The following CCDC91 variants were observed in gnomAD, a reference collection of about 807,000 sequenced individuals.
The protein encoded by CCDC91 is coiled-coil domain-containing protein 91.
CCDC91 carries 48 observed loss-of-function variants against 63.2 expected under a neutral mutation model. The ratio of observed to expected loss-of-function variants is 0.76; its 90% confidence interval spans 0.60 to 0.97. The LOEUF (loss-of-function observed/expected upper bound fraction) is 0.97. Ranked by LOEUF, CCDC91 falls within the 50% of genes least tolerant of loss-of-function variation. CCDC91 has a pLI of 0.00. For synonymous variants in CCDC91, 167 were observed against 165.8 expected, an observed-to-expected ratio of 1.01 and a Z score of -0.06; for missense variants, 500 against 494.6, an observed-to-expected ratio of 1.01 and a Z score of -0.10.
intron 8 of CCDC91, among the ~76,000 whole-genome samples, chr12:28,398,350 C>T (rs1946413548): frequency 6.6e-6 from 1 of 152,060 alleles, no homozygotes; most frequent in Non-Finnish European, 1.5e-5. Flanking sequence ...CATATAGTCA[C>T]ATGTATTAAT....
chr12:28,425,681 A>G (rs1380663439), intron 8 of CCDC91, among the ~76,000 whole-genome samples: 2 of 152,208 alleles, frequency 1.3e-5, no homozygotes, highest in Non-Finnish European at 2.9e-5. Flanking sequence ...TTGAGTGCTC[A>G]TGGAACTCTC....
At chr12:28,351,955 C>G (rs1476832277) in intron 6 of CCDC91, among the ~76,000 whole-genome samples, 1 of 152,088 alleles carries the variant, frequency 6.6e-6, no homozygotes, top group African/African-American at 2.4e-5. Context: ...TCTGGATAAC[C>G]CTATACAGGC....
At chr12:28,256,965 T>C in intron 1 of CCDC91, 2 of 425,252 alleles carry the variant, frequency 4.7e-6, no homozygotes, top group Non-Finnish European at 8.4e-6. Flanking sequence ...AGAATATTTT[T>C]CCACTCCTGG....
At chr12:28,359,782 C>CTTTCTTTTTTTTTTTTTTTTTTT (rs1565853546) in intron 6 of CCDC91, among the ~76,000 whole-genome samples, 8 of 151,960 alleles carry the variant, frequency 5.3e-5, no homozygotes, top group African/African-American at 1.9e-4. Flanking sequence ...CAGAATATTT[C>CTTTCTTTTTTTTTTTTTTTTTTT]TATTTACTTT....
chr12:28,476,643 A>G (rs1298483583), intron 11 of CCDC91, among the ~76,000 whole-genome samples: 1 of 152,010 alleles, frequency 6.6e-6, no homozygotes, highest in African/African-American at 2.4e-5. Flanking sequence ...AGGAGATAGA[A>G]ACACAAAAAA....
At chr12:28,205,211 G>A (rs1942754137) in intron 1 of CCDC91, among the ~76,000 whole-genome samples, 1 of 152,002 alleles carries the variant, frequency 6.6e-6, no homozygotes, top group Non-Finnish European at 1.5e-5. Flanking sequence ...GGAGAATGAA[G>A]AGGGAAAGGC....
At chr12:28,352,261 G>C (rs969387218) in intron 6 of CCDC91, among the ~76,000 whole-genome samples, 2 of 152,208 alleles carry the variant, frequency 1.3e-5, no homozygotes, top group African/African-American at 4.8e-5. Flanking sequence ...GGTGGTTGCT[G>C]AAGGTTGGTG....
At chr12:28,338,104 G>A (rs1942127023) in intron 6 of CCDC91, among the ~76,000 whole-genome samples, 2 of 152,012 alleles carry the variant, frequency 1.3e-5, no homozygotes, top group Admixed American at 6.6e-5. Flanking sequence ...TTTCTCAGGT[G>A]GTGATGGTGC....
At chr12:28,472,753 G>T (rs1454491729) in intron 11 of CCDC91, among the ~76,000 whole-genome samples, 1 of 152,102 alleles carries the variant, frequency 6.6e-6, no homozygotes, top group Non-Finnish European at 1.5e-5. Context: ...AGAATTCTAG[G>T]TTCTCTTAAT....
chr12:28,508,019 G>A (rs1257499851), intron 12 of CCDC91, among the ~76,000 whole-genome samples: 1 of 151,860 alleles, frequency 6.6e-6, no homozygotes, highest in Admixed American at 6.6e-5. Context: ...GGAAGAGGGC[G>A]TGACCTTGGC....
At chr12:28,451,324 A>C (rs1286160901) in intron 10 of CCDC91, among the ~76,000 whole-genome samples, 1 of 151,682 alleles carries the variant, frequency 6.6e-6, no homozygotes, top group African/African-American at 2.4e-5. Flanking sequence ...TAGTTTGGAA[A>C]GGAAAGAAAT....
chr12:28,311,591 A>C (rs1282641806), intron 6 of CCDC91, among the ~76,000 whole-genome samples: 1 of 152,076 alleles, frequency 6.6e-6, no homozygotes, highest in Non-Finnish European at 1.5e-5. Flanking sequence ...GTGTCTTTTC[A>C]GTGTCCTATA....
In CCDC91 at chr12:28,484,120, A is replaced by C. The variant is rs575441817; in HGVS notation, c.1170A>C (p.Lys390Asn). The C allele has an allele frequency of 1.9e-6, 3 of 1,611,422 alleles. No individual in the cohort carries two copies. The East Asian group carries it at 6.7e-5, about 36-fold the overall frequency. Residue 390 changes from lysine (K) to asparagine (N), a missense_variant, in exon 12 of 13, where the codon AAA becomes AAC. Physicochemically the swap from Lys to Asn is moderately conservative, Grantham distance 94. Coordinates refer to ENST00000536442, the MANE Select transcript of CCDC91 (RefSeq NM_018318.5). ...AAAAGGCTGTGGAAGAGGCAGTGAA[A>C]AGAACAAGAGATGAATTGATAGAGT... The part of the protein sequence containing the change: ...RSEKAVEEAV[K>N]RTRDELIEYI...
intron 3 of CCDC91, among the ~76,000 whole-genome samples, chr12:28,280,078 G>A (rs370048198): frequency 5.9e-5 from 9 of 152,120 alleles, no homozygotes; most frequent in African/African-American, 2.2e-4. Flanking sequence ...TGTCTCAAAG[G>A]CACTCTGATA....
At position 28,363,009 on chromosome 12, in the gene CCDC91, G is replaced by A. The variant is rs1944005542; in HGVS notation, c.654+494G>A. Reference sequence around the variant, plus strand: ...ATTATTTTAAAAATTATTCAATTCTGTGCCTGCATAAGCTGAAATATTTAA... The same window carrying A: ...ATTATTTTAAAAATTATTCAATTCTATGCCTGCATAAGCTGAAATATTTAA... On this transcript the variant is annotated intron_variant, in intron 7 of 12. Coordinates refer to ENST00000536442, the MANE Select transcript of CCDC91 (RefSeq NM_018318.5). 2.6e-5 allele frequency among the ~76,000 whole-genome samples: 4 copies of A among 152,126 alleles called. No individual in the cohort carries two copies. The South Asian group carries it at 8.3e-4, about 32-fold the overall frequency.
intron 11 of CCDC91, among the ~76,000 whole-genome samples, chr12:28,453,479 A>G (rs982282406): frequency 5.3e-5 from 8 of 152,036 alleles, no homozygotes; most frequent in African/African-American, 1.9e-4. Context: ...ATCTTAATGA[A>G]GCCGTAAAAA....
intron 1 of CCDC91, 178 bp from the exon 2 acceptor site, chr12:28,257,024 A>C (rs1251652976): frequency 8.4e-6 from 4 of 473,388 alleles, no homozygotes; most frequent in Middle Eastern, 5.4e-4. Flanking sequence ...AAAGTTACAG[A>C]AATTGCTAAT....
rs1027303095 is a variant in CCDC91 at position 28,326,418 on chromosome 12, A to G, written c.576+18669A>G. The stretch of plus-strand genomic sequence containing the variant: ...TTTTTTTTAAATTTATTATTATTAT[A>G]CTTTAAGTTTTAGGGTACATGTGCA... On this transcript the variant is annotated intron_variant, in intron 6 of 12. Transcript: ENST00000536442. Among the ~76,000 whole-genome samples the G allele has an allele frequency of 1.0e-3, 150 of 148,106 alleles. 1 individual carries two copies. The highest frequency in any genetic ancestry group is 3.6e-3 in the African/African-American group (147 of 40,310).
intron 1 of CCDC91, among the ~76,000 whole-genome samples, chr12:28,201,030 G>A (rs1296265047): frequency 6.7e-6 from 1 of 148,370 alleles, no homozygotes; most frequent in Non-Finnish European, 1.5e-5. Flanking sequence ...TCCCGGATGG[G>A]GCGGCTGGCC....
Sources: allele counts gnomAD v4.1 joint callset (sites outside exome capture counted in the v4.1 genomes callset), GRCh38; gene constraint gnomAD v4.1.1; transcripts MANE v1.5; gene names NCBI Gene and HGNC (gene_info 2026-07-23, HGNC 2026-07-21).